NLGN1: variants seen among roughly 807,000 people sequenced by gnomAD.
NLGN1 encodes the protein neuroligin 1.
In NLGN1, 12 loss-of-function variants were observed where a neutral mutation model predicts 65.5. That is an observed-to-expected ratio of 0.18 (90% CI 0.12 to 0.30). NLGN1 has a LOEUF of 0.30. NLGN1 is among the 10% of genes least tolerant of loss of function. NLGN1 has a pLI of 1.00. For missense variants in NLGN1, 750 were observed against 1,007.1 expected (o/e 0.74, Z 3.46); for synonymous variants, 350 against 359.5 (o/e 0.97, Z 0.30).
chr3:173,776,955 T>A (rs1021389654), intron 3 of NLGN1, among the ~76,000 whole-genome samples: 1 of 151,894 alleles, frequency 6.6e-6, no homozygotes, highest in African/African-American at 2.4e-5. Context: ...AAGACAACGA[T>A]CAGACTGTGT....
chr3:173,673,234 T>G (rs1410891070), intron 3 of NLGN1, among the ~76,000 whole-genome samples: 1 of 152,224 alleles, frequency 6.6e-6, no homozygotes, highest in African/African-American at 2.4e-5. Flanking sequence ...TAAAATCATG[T>G]GAGCATAATT....
intron 4 of NLGN1, among the ~76,000 whole-genome samples, chr3:173,887,124 C>A (rs1734488943): frequency 1.3e-5 from 2 of 152,018 alleles, no homozygotes; most frequent in South Asian, 4.1e-4. Context: ...AAACAAAGTG[C>A]ATTTCTTACC....
chr3:173,963,228 C>G (rs1714019796), intron 4 of NLGN1, among the ~76,000 whole-genome samples: 1 of 151,906 alleles, frequency 6.6e-6, no homozygotes, highest in African/African-American at 2.4e-5. Context: ...CAATGGGCGC[C>G]AGGGGGTGTT....
rs369522721 is a variant in NLGN1, at chr3:173,435,458, A to G, written c.-321+380A>G. On this transcript the variant is annotated intron_variant, in intron 2 of 6. Coordinates refer to ENST00000457714, the Ensembl canonical transcript of NLGN1. ...GATTCTCTTTTGATGATATATACAT[A>G]CACACACATATATGAAAATCTTATG... Among the ~76,000 whole-genome samples the G allele has an allele frequency of 3.7e-4, 56 of 152,292 alleles. 1 individual carries two copies. Among genetic ancestry groups the G allele is most frequent in the African/African-American group, 1.3e-3 (54 of 41,552 alleles).
chr3:173,447,300 A>G (rs1720549541), intron 2 of NLGN1, among the ~76,000 whole-genome samples: 2 of 152,212 alleles, frequency 1.3e-5, no homozygotes, highest in Non-Finnish European at 2.9e-5. Flanking sequence ...CAGTTTTCCC[A>G]GCACCATTTA....
intron 4 of NLGN1, among the ~76,000 whole-genome samples, chr3:174,231,824 C>T (rs1294248752): frequency 6.6e-6 from 1 of 152,200 alleles, no homozygotes. Context: ...TGGCTCTACT[C>T]TGCAAGGTTC....
chr3:173,623,167 C>T (rs572827027), intron 3 of NLGN1, among the ~76,000 whole-genome samples: 4 of 152,004 alleles, frequency 2.6e-5, no homozygotes, highest in Non-Finnish European at 4.4e-5. Flanking sequence ...ACATAAACCT[C>T]GGTGAAGGTT....
intron 2 of NLGN1, among the ~76,000 whole-genome samples, chr3:173,535,617 G>C (rs778531390): frequency 1.3e-5 from 2 of 152,162 alleles, no homozygotes; most frequent in Non-Finnish European, 2.9e-5. Flanking sequence ...ACCACATCTA[G>C]AGTGAGAGGA....
At chr3:173,860,792 A>G (rs985962809) in intron 4 of NLGN1, among the ~76,000 whole-genome samples, 1 of 152,172 alleles carries the variant, frequency 6.6e-6, no homozygotes, top group African/African-American at 2.4e-5. Flanking sequence ...AACCTTCCAC[A>G]GTGTCTGCCT....
At chr3:173,515,915 C>T (rs572101659) in intron 2 of NLGN1, among the ~76,000 whole-genome samples, 75 of 152,078 alleles carry the variant, frequency 4.9e-4, no homozygotes, top group Non-Finnish European at 8.5e-4. Context: ...TATTATCTGT[C>T]TGTATGCCAG....
At chr3:173,730,093 T>C (rs1192531321) in intron 3 of NLGN1, among the ~76,000 whole-genome samples, 1 of 151,728 alleles carries the variant, frequency 6.6e-6, no homozygotes, top group Non-Finnish European at 1.5e-5. Context: ...ATTTTAGATA[T>C]TGAAAATATA....
intron 3 of NLGN1, among the ~76,000 whole-genome samples, chr3:173,799,429 T>C (rs918585854): frequency 1.3e-5 from 2 of 151,974 alleles, no homozygotes; most frequent in Non-Finnish European, 2.9e-5. Flanking sequence ...AAAACACTTA[T>C]TAAGCATTCA....
At chr3:174,066,862 G>T (rs1468844515) in intron 4 of NLGN1, among the ~76,000 whole-genome samples, 1 of 151,966 alleles carries the variant, frequency 6.6e-6, no homozygotes, top group Admixed American at 6.6e-5. Flanking sequence ...CTGTTCTGGT[G>T]TTTGATATAA....
At chr3:174,125,910 G>C (rs1049671407) in intron 4 of NLGN1, among the ~76,000 whole-genome samples, 1 of 152,038 alleles carries the variant, frequency 6.6e-6, no homozygotes, top group Non-Finnish European at 1.5e-5. Context: ...GAAGAAAATA[G>C]CTGTTAACTT....
At chr3:174,017,303 G>A (rs1321367396) in intron 4 of NLGN1, among the ~76,000 whole-genome samples, 1 of 152,140 alleles carries the variant, frequency 6.6e-6, no homozygotes, top group Non-Finnish European at 1.5e-5. Flanking sequence ...ATTGATGTCT[G>A]TGGTTGCTTT....
chr3:173,669,199 G>A (rs939606951), intron 3 of NLGN1, among the ~76,000 whole-genome samples: 1 of 152,194 alleles, frequency 6.6e-6, no homozygotes, highest in Non-Finnish European at 1.5e-5. Flanking sequence ...AGTGAGACTT[G>A]TTAGGAAGGT....
chr3:173,525,935 T>G (rs1019326438), intron 2 of NLGN1, among the ~76,000 whole-genome samples: 1 of 152,160 alleles, frequency 6.6e-6, no homozygotes, highest in Non-Finnish European at 1.5e-5. Flanking sequence ...TATTCATTTC[T>G]AATTTTATTC....
At chr3:174,231,869 C>A (rs549142059) in intron 4 of NLGN1, among the ~76,000 whole-genome samples, 1 of 152,230 alleles carries the variant, frequency 6.6e-6, no homozygotes, top group East Asian at 1.9e-4. Context: ...AATTATTTTG[C>A]CTTTCTAAGT....
intron 2 of NLGN1, among the ~76,000 whole-genome samples, chr3:173,547,503 G>A (rs1427179994): frequency 6.6e-6 from 1 of 152,110 alleles, no homozygotes; most frequent in African/African-American, 2.4e-5. Flanking sequence ...TTTGATCCAT[G>A]ATTGCCCTAA....
Sources: allele counts gnomAD v4.1 joint callset (sites outside exome capture counted in the v4.1 genomes callset), GRCh38; gene constraint gnomAD v4.1.1; transcripts MANE v1.5; gene names NCBI Gene and HGNC (gene_info 2026-07-23, HGNC 2026-07-21).